KLF12: variants seen among roughly 807,000 people sequenced by gnomAD.
KLF12 encodes the protein KLF transcription factor 12, also known as Krueppel-like factor 12.
Under a neutral mutation model 37.8 loss-of-function variants are expected in KLF12, and 9 were observed. The observed-to-expected ratio is 0.24, with a 90% CI of 0.14 to 0.42. The LOEUF (loss-of-function observed/expected upper bound fraction) is 0.42, where lower values mean the gene tolerates loss of function less well. KLF12 is among the 10% of genes least tolerant of loss of function. KLF12 has a pLI of 1.00. For missense variants in KLF12, 411 were observed against 516.0 expected, an observed-to-expected ratio of 0.80 and a Z score of 1.97; for synonymous variants, 208 against 202.1, an observed-to-expected ratio of 1.03 and a Z score of -0.25.
intron 3 of KLF12, among the ~76,000 whole-genome samples, chr13:73,915,699 T>G (rs1211976613): frequency 2.7e-5 from 4 of 147,414 alleles, no homozygotes; most frequent in Non-Finnish European, 4.5e-5. Context: ...ATTTTTTTTT[T>G]TTTTTTTTTT....
At chr13:74,248,293 G>A in the KLF12 span, among the ~76,000 whole-genome samples, 4 of 152,214 alleles carry the variant, frequency 2.6e-5, no homozygotes, top group Non-Finnish European at 4.4e-5. Context: ...CTATTGCTAT[G>A]AGGAAACATG....
intron 3 of KLF12, among the ~76,000 whole-genome samples, chr13:73,939,286 T>G (rs969856295): frequency 6.6e-5 from 10 of 152,226 alleles, no homozygotes; most frequent in Admixed American, 2.0e-4. Flanking sequence ...CAAAAATATT[T>G]TTATTTAGAG....
intron 1 of KLF12, among the ~76,000 whole-genome samples, chr13:74,031,112 T>C (rs913923797): frequency 6.6e-6 from 1 of 152,178 alleles, no homozygotes; most frequent in Non-Finnish European, 1.5e-5. Flanking sequence ...CCATTTGCTA[T>C]TTCTTCTAGA....
At chr13:73,838,726 C>A (rs1884573023) in intron 4 of KLF12, among the ~76,000 whole-genome samples, 4 of 152,144 alleles carry the variant, frequency 2.6e-5, no homozygotes, top group Non-Finnish European at 2.9e-5. Context: ...GAAACCAGAG[C>A]TGGGCTCTTT....
At chr13:74,205,618 C>A in the KLF12 span, among the ~76,000 whole-genome samples, 5 of 152,162 alleles carry the variant, frequency 3.3e-5, no homozygotes, top group East Asian at 9.6e-4. Context: ...TGATGACTGA[C>A]TTCCTTTGGC....
At chr13:74,169,625 T>C in the KLF12 span, among the ~76,000 whole-genome samples, 1 of 152,242 alleles carries the variant, frequency 6.6e-6, no homozygotes, top group Non-Finnish European at 1.5e-5. Context: ...TCTTTGCCCT[T>C]GGATAACTTT....
chr13:73,729,387 G>C (rs1013272785), intron 6 of KLF12, among the ~76,000 whole-genome samples: 1 of 152,196 alleles, frequency 6.6e-6, no homozygotes, highest in Non-Finnish European at 1.5e-5. Context: ...AATACTGCAT[G>C]GTATAATAAT....
At chr13:73,910,625 T>C (rs1019850546) in intron 3 of KLF12, among the ~76,000 whole-genome samples, 6 of 152,158 alleles carry the variant, frequency 3.9e-5, no homozygotes, top group African/African-American at 1.2e-4. Flanking sequence ...AAGTTTTAGA[T>C]AACAGGAATA....
chr13:73,928,886 A>C (rs1889532829), intron 3 of KLF12, among the ~76,000 whole-genome samples: 1 of 152,228 alleles, frequency 6.6e-6, no homozygotes, highest in Admixed American at 6.5e-5. Context: ...GTCAGATAAT[A>C]TAAGTGCCCA....
At chr13:73,695,856 G>A (rs1874109209) in intron 7 of KLF12, among the ~76,000 whole-genome samples, 185 bp from the exon 8 acceptor site, 1 of 152,126 alleles carries the variant, frequency 6.6e-6, no homozygotes, top group South Asian at 2.1e-4. Context: ...ATCTCGTCTT[G>A]CCTGCTGTGA....
the KLF12 span, among the ~76,000 whole-genome samples, chr13:74,299,027 G>A: frequency 2.0e-5 from 3 of 152,312 alleles, no homozygotes; most frequent in Non-Finnish European, 2.9e-5. Flanking sequence ...GTAGGACCAT[G>A]GCAGACAGAA....
chr13:74,072,469 G>A (rs1874328883), intron 1 of KLF12, among the ~76,000 whole-genome samples: 1 of 147,226 alleles, frequency 6.8e-6, no homozygotes, highest in Admixed American at 6.9e-5. Flanking sequence ...CAGGTACAGT[G>A]GCTCACGCCT....
chr13:74,284,536 C>A, the KLF12 span, among the ~76,000 whole-genome samples: 1 of 152,188 alleles, frequency 6.6e-6, no homozygotes, highest in Admixed American at 6.5e-5. Context: ...CAGTGCAGAA[C>A]CACATCTTTA....
intron 1 of KLF12, among the ~76,000 whole-genome samples, chr13:74,045,212 A>T (rs958262964): frequency 6.6e-6 from 1 of 152,288 alleles, no homozygotes; most frequent in Non-Finnish European, 1.5e-5. Context: ...GACAACCCCT[A>T]TTTCAGCCAG....
intron 1 of KLF12, among the ~76,000 whole-genome samples, chr13:74,064,317 A>G (rs1362930277): frequency 6.6e-6 from 1 of 152,182 alleles, no homozygotes; most frequent in Non-Finnish European, 1.5e-5. Context: ...CATTCCATAA[A>G]CATTTGCCTA....
intron 5 of KLF12, among the ~76,000 whole-genome samples, chr13:73,803,847 T>C (rs1304804944): frequency 6.6e-6 from 1 of 151,644 alleles, no homozygotes; most frequent in Non-Finnish European, 1.5e-5. Context: ...TGCCCAATTG[T>C]GGAGGTTGTG....
At chr13:74,151,118 A>G in the KLF12 span, among the ~76,000 whole-genome samples, 284 of 152,330 alleles carry the variant, frequency 1.9e-3, no homozygotes, top group African/African-American at 6.6e-3. Flanking sequence ...GGTTGGTTGA[A>G]TGACTGTTAA....
chr13:73,827,689 G>C (rs7984399), intron 4 of KLF12, among the ~76,000 whole-genome samples: 1 of 151,756 alleles, frequency 6.6e-6, no homozygotes, highest in Non-Finnish European at 1.5e-5. Context: ...CAGCCTCCCA[G>C]GGAGCTGGGA....
the KLF12 span, among the ~76,000 whole-genome samples, chr13:74,146,044 G>A: frequency 6.6e-6 from 1 of 152,122 alleles, no homozygotes; most frequent in Non-Finnish European, 1.5e-5. Context: ...TTGGAATTTT[G>A]TCAAAGCAGA....
Sources: allele counts gnomAD v4.1 joint callset (sites outside exome capture counted in the v4.1 genomes callset), GRCh38; gene constraint gnomAD v4.1.1; transcripts MANE v1.5; gene names NCBI Gene and HGNC (gene_info 2026-07-23, HGNC 2026-07-21).